The following SATB2 variants were observed in gnomAD, a reference collection of about 807,000 sequenced individuals.
The protein encoded by SATB2 is DNA-binding protein SATB2.
Under a neutral mutation model 73.4 loss-of-function variants are expected in SATB2, and 1 was observed. The ratio of observed to expected loss-of-function variants is 0.01; its 90% confidence interval spans 0.00 to 0.06. The LOEUF (loss-of-function observed/expected upper bound fraction) is 0.06, where lower values mean the gene tolerates loss of function less well. SATB2 is among the 10% of genes least tolerant of loss of function. The pLI, the probability that SATB2 is intolerant of heterozygous loss-of-function variation, is 1.00. For synonymous variants in SATB2, 397 were observed against 367.0 expected (o/e 1.08, Z -0.93); for missense variants, 459 against 945.8 (o/e 0.49, Z 6.75).
intron 7 of SATB2, among the ~76,000 whole-genome samples, chr2:199,342,476 T>A (rs561931516): frequency 3.9e-5 from 6 of 152,184 alleles, no homozygotes; most frequent in Non-Finnish European, 7.4e-5. Context: ...TTTACTTATT[T>A]TACATAAGGT....
intron 7 of SATB2, chr2:199,347,577 C>T (rs1174326922): frequency 1.3e-5 from 2 of 152,166 alleles, no homozygotes; most frequent in African/African-American, 2.4e-5. Flanking sequence ...TTTGCACCCA[C>T]ATAGAGCTTA....
intron 10 of SATB2, among the ~76,000 whole-genome samples, chr2:199,300,127 A>C (rs1687237111): frequency 6.7e-6 from 1 of 149,856 alleles, no homozygotes; most frequent in Admixed American, 6.7e-5. Flanking sequence ...TTAGGTGTAA[A>C]GAGTGTTTCA....
At chr2:199,410,657 A>G (rs932940292) in intron 3 of SATB2, among the ~76,000 whole-genome samples, 3 of 152,216 alleles carry the variant, frequency 2.0e-5, no homozygotes, top group Admixed American at 6.5e-5. Flanking sequence ...TTTATGGAAT[A>G]TTTAGATTGC....
At chr2:199,453,734 C>T (rs923511695) in intron 2 of SATB2, among the ~76,000 whole-genome samples, 10 of 151,792 alleles carry the variant, frequency 6.6e-5, no homozygotes, top group African/African-American at 2.4e-4. Flanking sequence ...AATTAGAAAC[C>T]TTTGTACTAT....
At chr2:199,365,186 CTTT>C (rs571885159) in intron 6 of SATB2, among the ~76,000 whole-genome samples, 3 of 151,470 alleles carry the variant, frequency 2.0e-5, no homozygotes, top group African/African-American at 4.8e-5. Flanking sequence ...TAATATTGGT[CTTT>C]TTTCTTTGCT....
intron 3 of SATB2, among the ~76,000 whole-genome samples, chr2:199,418,740 C>T (rs1298742884): frequency 5.9e-5 from 9 of 152,178 alleles, no homozygotes; most frequent in Non-Finnish European, 1.3e-4. Flanking sequence ...TTACATAAAG[C>T]ATCTAATACA....
intron 6 of SATB2, among the ~76,000 whole-genome samples, chr2:199,354,564 G>A (rs545398395): frequency 6.6e-6 from 1 of 152,248 alleles, no homozygotes; most frequent in South Asian, 2.1e-4. Context: ...CAAGGCAAGG[G>A]AGGCTCAAAT....
chr2:199,405,910 T>G (rs1348166752), intron 3 of SATB2, among the ~76,000 whole-genome samples: 1 of 151,960 alleles, frequency 6.6e-6, no homozygotes, highest in African/African-American at 2.4e-5. Flanking sequence ...GTAAGTGGAG[T>G]GGGTCTTCAT....
rs970490421 is a variant in SATB2, at chr2:199,457,095, G to C, written c.-60+244C>G. On this transcript the variant is annotated intron_variant, in intron 1 of 10. Coordinates refer to ENST00000417098, the MANE Select transcript of SATB2 (RefSeq NM_001172509.2). The surrounding 1 kb of genome is among the most constrained non-coding windows in gnomAD (Gnocchi z 4.8). ...GTGCGCGCTGGGAATCCTCGTGGGC[G>C]CTCTGGCCGCGCGAGCAGTGTCGGC... 5.3e-5 allele frequency among the ~76,000 whole-genome samples: 8 copies of C among 152,200 alleles called. No homozygotes were observed. The highest frequency in any genetic ancestry group is 1.0e-4 in the Non-Finnish European group (7 of 68,044).
At chr2:199,325,916 G>T (rs1688016354) in intron 8 of SATB2, 1 of 152,132 alleles carries the variant, frequency 6.6e-6, no homozygotes. Flanking sequence ...GTACACCATG[G>T]AATGCTGGCC....
chr2:199,403,924 G>A (rs897301324), intron 3 of SATB2, among the ~76,000 whole-genome samples: 7 of 152,328 alleles, frequency 4.6e-5, no homozygotes, highest in Admixed American at 2.0e-4. Context: ...AACCTGACAA[G>A]GAGGACACAG....
intron 4 of SATB2, among the ~76,000 whole-genome samples, chr2:199,381,459 G>T (rs1490418831): frequency 6.6e-6 from 1 of 152,146 alleles, no homozygotes; most frequent in Non-Finnish European, 1.5e-5. Flanking sequence ...GCCGCCCCTA[G>T]GTTACCACTT....
rs182764470 is a variant in SATB2, at chr2:199,410,145, A to C, written c.346+23193T>G. Reference sequence around the variant, plus strand: ...TTGAGGGATCTTAAAAGCACTACAGAATAAAACCTTTGTTTAAAGGAATAT... The same window carrying C: ...TTGAGGGATCTTAAAAGCACTACAGCATAAAACCTTTGTTTAAAGGAATAT... On this transcript the variant is annotated intron_variant, in intron 3 of 10. Coordinates refer to ENST00000417098, the MANE Select transcript of SATB2 (RefSeq NM_001172509.2). Among the ~76,000 whole-genome samples, 11 of 152,326 alleles carry C rather than the reference A, an allele frequency of 7.2e-5. No homozygotes were observed. The East Asian group carries it at 9.6e-4, about 13-fold the overall frequency.
At chr2:199,347,503 C>T (rs1688688767) in intron 7 of SATB2, 1 of 150,756 alleles carries the variant, frequency 6.6e-6, no homozygotes, top group African/African-American at 2.4e-5. Context: ...AAGGTCTAAC[C>T]CATTGACAAC....
chr2:199,427,485 A>G (rs1691371680), intron 3 of SATB2, among the ~76,000 whole-genome samples: 1 of 152,084 alleles, frequency 6.6e-6, no homozygotes. Flanking sequence ...ATCTTTTTTT[A>G]GGAGTTATGA....
chr2:199,365,057 C>T (rs1422804482), intron 6 of SATB2, among the ~76,000 whole-genome samples: 2 of 151,906 alleles, frequency 1.3e-5, no homozygotes, highest in Non-Finnish European at 2.9e-5. Context: ...GAAAAAACTA[C>T]TTGGGTAAAT....
chr2:199,337,077 T>A (rs1449445878), intron 7 of SATB2, among the ~76,000 whole-genome samples: 1 of 152,182 alleles, frequency 6.6e-6, no homozygotes, highest in Non-Finnish European at 1.5e-5. Flanking sequence ...ACAGTACAAT[T>A]TTTATTTTAC....
Position 199,368,562 on chromosome 2 carries a change from C to T in SATB2, c.700+43G>A, listed in dbSNP as rs373245313. On this transcript the variant is annotated intron_variant, in intron 6 of 10. Coordinates refer to ENST00000417098, the MANE Select transcript of SATB2 (RefSeq NM_001172509.2). ...CAAACAACCAACAACTCATGAACCT[C>T]AGAAACTGAAAACAGGCTTTACAAA... is the stretch of plus-strand genomic sequence containing the variant. The T allele has an allele frequency of 1.1e-4, 127 of 1,148,990 alleles. No homozygotes were observed. In the African/African-American group the frequency reaches 1.8e-3, roughly 16 times the overall value. 71.2% of individuals were successfully genotyped at this position (1,148,990 alleles called of 1,614,324 possible).
intron 2 of SATB2, among the ~76,000 whole-genome samples, chr2:199,446,662 C>T (rs563629195): frequency 2.6e-5 from 4 of 152,266 alleles, no homozygotes; most frequent in Non-Finnish European, 5.9e-5. Flanking sequence ...TGTTAGGTTA[C>T]GCAAATGTTA....
Sources: gnomAD v4.1 joint callset for allele counts (sites outside exome capture counted in the v4.1 genomes callset) on GRCh38, gnomAD v4.1.1 for gene constraint, Gnocchi (gnomAD v3.1) non-coding constraint, MANE v1.5 for transcripts, NCBI Gene and HGNC (gene_info 2026-07-23, HGNC 2026-07-21) for gene names.